The following LRRK2 variants were observed in gnomAD, a reference collection of about 807,000 sequenced individuals.
LRRK2 encodes leucine-rich repeat serine/threonine-protein kinase 2.
A neutral mutation model predicts 302.6 loss-of-function variants in LRRK2; 203 were observed. The ratio of observed to expected loss-of-function variants is 0.67; its 90% CI spans 0.60 to 0.75. The LOEUF is 0.75. Ranked by LOEUF, LRRK2 falls within the 30% of genes least tolerant of loss-of-function variation. LRRK2 has a pLI of 0.00. For missense variants in LRRK2, 2,830 were observed against 2,951.0 expected, an observed-to-expected ratio of 0.96 and a Z score of 0.95; for synonymous variants, 1,066 against 1,031.9, an observed-to-expected ratio of 1.03 and a Z score of -0.63.
intron 2 of LRRK2, among the ~76,000 whole-genome samples, chr12:40,228,296 A>C (rs538076794): frequency 6.6e-6 from 1 of 152,050 alleles, no homozygotes; most frequent in Non-Finnish European, 1.5e-5. Flanking sequence ...GTGAGATAAT[A>C]TCTCATTATG....
intron 33 of LRRK2, 37 bp downstream of exon 33, chr12:40,315,337 G>T (rs1385168971): frequency 6.6e-7 from 1 of 1,520,762 alleles, no homozygotes; most frequent in Admixed American, 1.7e-5. Flanking sequence ...GGGGGTTATG[G>T]TCAAAGCATA....
At chr12:40,340,977 A>C (rs999465542) in intron 41 of LRRK2, among the ~76,000 whole-genome samples, 2 of 152,216 alleles carry the variant, frequency 1.3e-5, no homozygotes, top group Non-Finnish European at 2.9e-5. Flanking sequence ...ATTTTGCTGC[A>C]GAAATATATA....
intron 3 of LRRK2, chr12:40,232,634 A>G (rs2136397395): frequency 6.6e-6 from 2 of 303,024 alleles, no homozygotes; most frequent in South Asian, 1.4e-4. Context: ...TATAATTATA[A>G]AACTGGTTAA....
At position 40,334,839 on chromosome 12, in the gene LRRK2, TG is replaced by T. The variant is rs1179700071; in HGVS notation, c.5758-126del. ...CGGGAAAAAAAACTCAGAGAAGAAA[TG>T]GAAAGTTTGCTATGATCCAGTCATA... On this transcript the variant is annotated intron_variant, in intron 39 of 50. Transcript: ENST00000298910. 47 of 1,084,992 alleles carry T rather than the reference TG, an allele frequency of 4.3e-5. No individual in the cohort carries two copies. In the Admixed American group the frequency reaches 4.9e-4, roughly 11 times the overall value. 67.2% of individuals were successfully genotyped at this position (1,084,992 alleles called of 1,614,324 possible). A position where few individuals can be genotyped will look rare whatever the true frequency, so the allele number is the denominator to read the frequency against.
intron 23 of LRRK2, among the ~76,000 whole-genome samples, chr12:40,296,462 C>T (rs1199443029): frequency 6.6e-6 from 1 of 151,980 alleles, no homozygotes; most frequent in African/African-American, 2.4e-5. Context: ...AAAATCCTGT[C>T]TCTACCAAAA....
chr12:40,245,867 C>G (rs1333118362), intron 7 of LRRK2, among the ~76,000 whole-genome samples: 5 of 151,972 alleles, frequency 3.3e-5, no homozygotes, highest in Non-Finnish European at 5.9e-5. Context: ...CACTTAAGTT[C>G]TCTACCTAGC....
chr12:40,235,437 T>C (rs1345402588), intron 3 of LRRK2, among the ~76,000 whole-genome samples, 189 bp from the exon 4 acceptor site: 1 of 152,114 alleles, frequency 6.6e-6, no homozygotes, highest in Non-Finnish European at 1.5e-5. Flanking sequence ...GATTGCACCA[T>C]TGCATTCCAG....
Position 40,354,468 on chromosome 12 carries a change from A to G in LRRK2, c.6746A>G (p.Tyr2249Cys). The change falls in exon 45 of 51, where the codon TAT (tyrosine) becomes TGT (cysteine). Residue 2249 changes from tyrosine (Y) to cysteine (C), a missense_variant. Coordinates refer to ENST00000298910, the MANE Select transcript of LRRK2 (RefSeq NM_198578.4). ...ATGACTGATTCTGTCACTTGTTTGT[A>G]TTGCAATTCCTTTTCCAAGCAAAGG... The part of the protein sequence containing the change: ...EKMTDSVTCL[Y>C]CNSFSKQSKQ... 1.2e-6 allele frequency: 2 copies of G among 1,614,092 alleles called. No homozygotes were observed. The highest frequency in any genetic ancestry group is 1.1e-5 in the South Asian group (1 of 91,068).
At chr12:40,367,349 C>T (rs546604902) in intron 50 of LRRK2, 2 of 432,568 alleles carry the variant, frequency 4.6e-6, no homozygotes, top group Middle Eastern at 6.4e-4. Context: ...TTATCTATAT[C>T]TACATAATGT....
chr12:40,263,160 T>A (rs17490817), intron 13 of LRRK2, among the ~76,000 whole-genome samples: 14,953 of 152,252 alleles, frequency 0.098, 904 homozygotes, highest in Admixed American at 0.16. Flanking sequence ...ACATTATTCA[T>A]TCATAATAAT....
At chr12:40,253,884 C>T (rs775648408) in intron 11 of LRRK2, among the ~76,000 whole-genome samples, 2 of 152,132 alleles carry the variant, frequency 1.3e-5, no homozygotes, top group Non-Finnish European at 2.9e-5. Context: ...AGAAATGCAA[C>T]TGGGTAGAGA....
chr12:40,234,460 CCT>C (rs1941356658), intron 3 of LRRK2, among the ~76,000 whole-genome samples: 2 of 142,600 alleles, frequency 1.4e-5, no homozygotes, highest in African/African-American at 5.4e-5. Context: ...CTCACTGTAA[CCT>C]CTGTGTCCCG....
chr12:40,298,619 A>G, intron 24 of LRRK2, 126 bp downstream of exon 24: 4 of 1,269,438 alleles, frequency 3.2e-6, no homozygotes, highest in Non-Finnish European at 4.5e-6. Flanking sequence ...TAAAAATACA[A>G]AAATTAGCCC....
intron 31 of LRRK2, among the ~76,000 whole-genome samples, chr12:40,312,554 T>G (rs1945069084): frequency 6.6e-6 from 1 of 152,150 alleles, no homozygotes; most frequent in Admixed American, 6.6e-5. Context: ...AATCTTTTTC[T>G]GTCTCAACCT....
chr12:40,234,926 A>G (rs892136629), intron 3 of LRRK2, among the ~76,000 whole-genome samples: 6 of 152,182 alleles, frequency 3.9e-5, no homozygotes, highest in African/African-American at 1.2e-4. Flanking sequence ...GAATCTGAAT[A>G]TTTGAATTTG....
chr12:40,368,930 C>T lies in LRRK2; in HGVS notation c.*1165C>T, dbSNP rs200135922. The T allele has an allele frequency of 6.6e-5, 10 of 151,924 alleles. No individual in the cohort carries two copies. Among genetic ancestry groups the T allele is most frequent in the Middle Eastern group, 3.4e-3 (1 of 294 alleles). 9.4% of individuals were successfully genotyped at this position (151,924 alleles called of 1,614,324 possible). A position where few individuals can be genotyped will look rare whatever the true frequency, so the allele number is the denominator to read the frequency against. ...ATTTCTGCTTTAGGAAAAGTACTTT[C>T]GGTAAATTCTTTGGCCCTGACCAGT... On this transcript the variant is annotated 3_prime_UTR_variant, in exon 51 of 51. Transcript: ENST00000298910.
chr12:40,279,476 A>G (rs1336766681), intron 18 of LRRK2, among the ~76,000 whole-genome samples: 1 of 152,188 alleles, frequency 6.6e-6, no homozygotes, highest in Middle Eastern at 3.2e-3. Flanking sequence ...TTTACTAAAG[A>G]TAATTAAATT....
chr12:40,310,761 T>C (rs2136828534), intron 31 of LRRK2, 112 bp downstream of exon 31: 1 of 1,030,380 alleles, frequency 9.7e-7, no homozygotes, highest in Admixed American at 1.9e-5. Context: ...TTTCTTTCCT[T>C]GTTGCTGTTA....
At chr12:40,364,769 A>G (rs1049062104) in intron 48 of LRRK2, 73 bp from the exon 49 acceptor site, 3 of 1,134,326 alleles carry the variant, frequency 2.6e-6, no homozygotes, top group Non-Finnish European at 3.9e-6. Flanking sequence ...AATGTTGTTT[A>G]TGTTATCATA....
Sources: allele counts gnomAD v4.1 joint callset (sites outside exome capture counted in the v4.1 genomes callset), GRCh38; gene constraint gnomAD v4.1.1; transcripts MANE v1.5; gene names NCBI Gene and HGNC (gene_info 2026-07-23, HGNC 2026-07-21).